CTNNBL1: variants seen among roughly 807,000 people sequenced by gnomAD.
CTNNBL1 encodes catenin beta like 1.
In CTNNBL1, 31 loss-of-function variants were observed where a neutral mutation model predicts 72.7. That is an observed-to-expected ratio of 0.43 (90% CI 0.32 to 0.58). CTNNBL1 has a LOEUF of 0.58. Among genes scored for constraint, CTNNBL1 ranks in the 20% least tolerant of loss-of-function variants. The pLI, the probability that CTNNBL1 is intolerant of heterozygous loss-of-function variation, is 0.08. For missense variants in CTNNBL1, 534 were observed against 725.1 expected (o/e 0.74, Z 3.03); for synonymous variants, 240 against 267.3 (o/e 0.90, Z 1.00).
chr20:37,824,173 G>A (rs945742034), intron 11 of CTNNBL1, among the ~76,000 whole-genome samples: 1 of 152,214 alleles, frequency 6.6e-6, no homozygotes. Flanking sequence ...GAGGACTCGG[G>A]CTGAAGCTCA....
At chr20:37,735,991 G>A (rs530957468) in intron 2 of CTNNBL1, among the ~76,000 whole-genome samples, 4 of 152,256 alleles carry the variant, frequency 2.6e-5, no homozygotes, top group Non-Finnish European at 4.4e-5. Context: ...AAGATAAAAC[G>A]TGTGAAATTT....
At chr20:37,744,882 G>T (rs1939844003) in intron 3 of CTNNBL1, among the ~76,000 whole-genome samples, 1 of 152,140 alleles carries the variant, frequency 6.6e-6, no homozygotes, top group Admixed American at 6.5e-5. Context: ...AACATACATG[G>T]TATTGAAGCG....
At chr20:37,823,894 G>T (rs1481975095) in intron 11 of CTNNBL1, among the ~76,000 whole-genome samples, 1 of 152,136 alleles carries the variant, frequency 6.6e-6, no homozygotes, top group Admixed American at 6.5e-5. Flanking sequence ...TGCTATCCAG[G>T]GCTAGTGAGA....
intron 13 of CTNNBL1, among the ~76,000 whole-genome samples, chr20:37,848,956 A>G (rs1051480705): frequency 6.6e-6 from 1 of 152,180 alleles, no homozygotes; most frequent in African/African-American, 2.4e-5. Context: ...TTGCGGCCCT[A>G]GCCCTGTATA....
chr20:37,779,848 A>G (rs184006198), intron 10 of CTNNBL1, among the ~76,000 whole-genome samples: 1 of 152,306 alleles, frequency 6.6e-6, no homozygotes, highest in East Asian at 1.9e-4. Context: ...TTTTATTTAT[A>G]GTACTTTCCT....
chr20:37,829,149 A>G lies in CTNNBL1; in HGVS notation c.1214-10953A>G, dbSNP rs138353527. The stretch of plus-strand genomic sequence containing the variant: ...GTGGGTGGCAAGGTTCAGCAATAAA[A>G]GAGACCACAGGCTGTAATTTTGGAA... On this transcript the variant is annotated intron_variant, in intron 11 of 15. Transcript: ENST00000361383. Among the ~76,000 whole-genome samples the G allele has an allele frequency of 6.5e-3, 992 of 152,348 alleles. 7 individuals carry two copies. Among genetic ancestry groups the G allele is most frequent in the Non-Finnish European group, 8.9e-3 (603 of 68,038 alleles).
chr20:37,769,699 T>C (rs775556593), intron 7 of CTNNBL1, among the ~76,000 whole-genome samples: 7 of 152,198 alleles, frequency 4.6e-5, no homozygotes, highest in Non-Finnish European at 8.8e-5. Flanking sequence ...GCTTATATGC[T>C]ATTGAAATGG....
At chr20:37,827,847 C>T (rs1272647687) in intron 11 of CTNNBL1, among the ~76,000 whole-genome samples, 2 of 152,200 alleles carry the variant, frequency 1.3e-5, no homozygotes, top group East Asian at 3.8e-4. Flanking sequence ...AAAGTCCAGA[C>T]TCTGTAGTTG....
intron 1 of CTNNBL1, among the ~76,000 whole-genome samples, chr20:37,718,474 C>T (rs1448962896): frequency 3.6e-5 from 5 of 139,094 alleles, no homozygotes; most frequent in South Asian, 2.4e-4. Flanking sequence ...GACCCCCCCA[C>T]CTCCCTCCCA....
chr20:37,781,223 A>G (rs1287966995), intron 10 of CTNNBL1, among the ~76,000 whole-genome samples: 1 of 152,142 alleles, frequency 6.6e-6, no homozygotes, highest in African/African-American at 2.4e-5. Flanking sequence ...AGTAAATAGC[A>G]TAAATAGAAG....
At chr20:37,709,485 T>C (rs960613377) in intron 1 of CTNNBL1, among the ~76,000 whole-genome samples, 7 of 152,332 alleles carry the variant, frequency 4.6e-5, no homozygotes, top group Non-Finnish European at 7.3e-5. Context: ...CTTTGCAGCT[T>C]TGTATAAAAA....
At chr20:37,830,697 AT>A (rs1201344152) in intron 11 of CTNNBL1, among the ~76,000 whole-genome samples, 1 of 152,238 alleles carries the variant, frequency 6.6e-6, no homozygotes, top group African/African-American at 2.4e-5. Context: ...TAAGTCAGAA[AT>A]GCATTTAACA....
At chr20:37,705,967 A>C (rs762335850) in intron 1 of CTNNBL1, among the ~76,000 whole-genome samples, 4 of 152,206 alleles carry the variant, frequency 2.6e-5, no homozygotes, top group African/African-American at 7.2e-5. Flanking sequence ...CACTCCAGTA[A>C]AGCAAGTCAT....
chr20:37,718,263 G>A (rs1403168772), intron 1 of CTNNBL1, among the ~76,000 whole-genome samples: 13 of 141,146 alleles, frequency 9.2e-5, no homozygotes, highest in African/African-American at 3.0e-4. Context: ...CCTCCCGGAC[G>A]GGGTGGCTGG....
At chr20:37,699,455 G>C (rs1336358768) in intron 1 of CTNNBL1, among the ~76,000 whole-genome samples, 2 of 152,256 alleles carry the variant, frequency 1.3e-5, no homozygotes, top group African/African-American at 2.4e-5. Flanking sequence ...CAAGCTGCCT[G>C]CCGAAAGCCA....
chr20:37,823,457 AGT>A (rs1290867060), intron 11 of CTNNBL1, among the ~76,000 whole-genome samples: 1 of 152,030 alleles, frequency 6.6e-6, no homozygotes, highest in Non-Finnish European at 1.5e-5. Context: ...AGGGAGTGTG[AGT>A]GTGTGTGGAG....
At chr20:37,749,551 T>C (rs1053436652) in intron 4 of CTNNBL1, among the ~76,000 whole-genome samples, 4 of 152,324 alleles carry the variant, frequency 2.6e-5, no homozygotes, top group South Asian at 4.1e-4. Flanking sequence ...GTTTTTTTTT[T>C]CCTCTTGTAT....
At chr20:37,815,986 GTGTATTTAAT>G (rs2072055120) in intron 11 of CTNNBL1, among the ~76,000 whole-genome samples, 1 of 152,156 alleles carries the variant, frequency 6.6e-6, no homozygotes, top group African/African-American at 2.4e-5. Flanking sequence ...GAAATGCTCT[GTGTATTTAAT>G]CATCTTGCAG....
In CTNNBL1 at chr20:37,850,766, A is replaced by G. The variant is rs143537913; in HGVS notation, c.1392+8347A>G. Among the ~76,000 whole-genome samples the G allele has an allele frequency of 4.2e-4, 64 of 152,250 alleles. No homozygotes were observed. The East Asian group carries it at 0.01, about 24-fold the overall frequency. ...GGAAGAAAGAAACTAGCATTTTCCA[A>G]ATGGTGAGGCAATTCCCACCCATGA... On this transcript the variant is annotated intron_variant, in intron 13 of 15. Coordinates refer to ENST00000361383, the MANE Select transcript of CTNNBL1 (RefSeq NM_030877.5).
Sources: allele counts gnomAD v4.1 joint callset (sites outside exome capture counted in the v4.1 genomes callset), GRCh38; gene constraint gnomAD v4.1.1; transcripts MANE v1.5; gene names NCBI Gene and HGNC (gene_info 2026-07-23, HGNC 2026-07-21).